The following BLTP1 variants were observed in gnomAD, a reference collection of about 807,000 sequenced individuals.
The protein encoded by BLTP1 is bridge-like lipid transfer protein family member 1.
the BLTP1 span, among the ~76,000 whole-genome samples, chr4:122,297,045 G>C: frequency 1.3e-5 from 2 of 152,108 alleles, no homozygotes; most frequent in Non-Finnish European, 2.9e-5. Context: ...AAAAGCAATT[G>C]CAACAAAAGC....
the BLTP1 span, chr4:122,325,593 A>C: frequency 8.8e-7 from 1 of 1,137,550 alleles, no homozygotes; most frequent in African/African-American, 1.6e-5. Context: ...TTGTTGAATA[A>C]TTTTTCTTTC....
chr4:122,308,100 T>C, the BLTP1 span: 5 of 1,613,486 alleles, frequency 3.1e-6, no homozygotes, highest in Non-Finnish European at 4.2e-6. Flanking sequence ...TTGGGACTCT[T>C]TTTCTCCAGC....
chr4:122,355,456 C>T, the BLTP1 span, among the ~76,000 whole-genome samples: 1 of 151,248 alleles, frequency 6.6e-6, no homozygotes, highest in Non-Finnish European at 1.5e-5. Flanking sequence ...TTTTAAAATC[C>T]CAGAAACCAA....
At chr4:122,299,748 ATATG>A in the BLTP1 span, 7 of 952,288 alleles carry the variant, frequency 7.4e-6, no homozygotes, top group Non-Finnish European at 7.5e-6. Flanking sequence ...ACACATACAT[ATATG>A]TATGTATGTA....
the BLTP1 span, among the ~76,000 whole-genome samples, chr4:122,166,191 G>C: frequency 1.2e-4 from 19 of 152,046 alleles, no homozygotes; most frequent in Non-Finnish European, 2.4e-4. Flanking sequence ...TTCTTCTAGG[G>C]TTTTTATGGT....
the BLTP1 span, among the ~76,000 whole-genome samples, chr4:122,251,941 G>T: frequency 6.6e-6 from 1 of 152,118 alleles, no homozygotes; most frequent in African/African-American, 2.4e-5. Context: ...TGAGCTCCAG[G>T]ATTGTGTTTA....
the BLTP1 span, among the ~76,000 whole-genome samples, chr4:122,296,812 T>C: frequency 6.6e-6 from 1 of 152,004 alleles, no homozygotes; most frequent in Non-Finnish European, 1.5e-5. Context: ...AAACAAACAA[T>C]GGGGAAAAAG....
chr4:122,251,464 A>T, the BLTP1 span: 1 of 930,512 alleles, frequency 1.1e-6, no homozygotes, highest in East Asian at 1.2e-4. Flanking sequence ...TTTTTATTTA[A>T]TATGTAGTTT....
chr4:122,218,421 G>A, the BLTP1 span, among the ~76,000 whole-genome samples: 5 of 152,220 alleles, frequency 3.3e-5, no homozygotes, highest in South Asian at 2.1e-4. Context: ...TTTGTGAGCC[G>A]GTAGGTTTGG....
chr4:122,225,930 T>G, the BLTP1 span: 1 of 152,238 alleles, frequency 6.6e-6, no homozygotes, highest in Admixed American at 6.5e-5. Context: ...TTCCAAGGCC[T>G]GCTAGAATCT....
the BLTP1 span, chr4:122,325,115 T>C: frequency 9.5e-7 from 1 of 1,050,038 alleles, no homozygotes; most frequent in Non-Finnish European, 1.3e-6. Context: ...TTCAATCCTT[T>C]GATTAGGTAA....
At chr4:122,268,242 C>G in the BLTP1 span, among the ~76,000 whole-genome samples, 1 of 152,064 alleles carries the variant, frequency 6.6e-6, no homozygotes, top group Admixed American at 6.6e-5. Flanking sequence ...GTTAGAAACA[C>G]TGAGAATTAG....
the BLTP1 span, chr4:122,281,989 A>C: frequency 1.0e-6 from 1 of 984,842 alleles, no homozygotes; most frequent in Non-Finnish European, 1.2e-6. Context: ...TTTGAACTCC[A>C]TAAAATTATT....
At chr4:122,317,675 A>G in the BLTP1 span, among the ~76,000 whole-genome samples, 4 of 151,494 alleles carry the variant, frequency 2.6e-5, no homozygotes, top group African/African-American at 9.7e-5. Flanking sequence ...TTACACAACT[A>G]TATGCATTTT....
the BLTP1 span, among the ~76,000 whole-genome samples, chr4:122,218,449 C>T: frequency 6.6e-6 from 1 of 152,032 alleles, no homozygotes; most frequent in Non-Finnish European, 1.5e-5. Context: ...ATATTAATCC[C>T]CCTACCAATT....
At chr4:122,198,802 AAAG>A in the BLTP1 span, among the ~76,000 whole-genome samples, 1 of 152,164 alleles carries the variant, frequency 6.6e-6, no homozygotes, top group Non-Finnish European at 1.5e-5. Context: ...AAAAAGAAAA[AAAG>A]CCCAGAGCAG....
At chr4:122,276,202 C>A in the BLTP1 span, 1 of 517,556 alleles carries the variant, frequency 1.9e-6, no homozygotes, top group Non-Finnish European at 2.9e-6. Context: ...CAGGTAAGGG[C>A]TGCTTTTTTG....
the BLTP1 span, chr4:122,221,987 A>G: frequency 5.6e-6 from 3 of 531,962 alleles, no homozygotes; most frequent in Admixed American, 1.3e-3. Context: ...TTATAGAGGT[A>G]TGCAAACTTG....
chr4:122,279,935 C>T, the BLTP1 span: 2 of 1,614,086 alleles, frequency 1.2e-6, no homozygotes, highest in African/African-American at 1.3e-5. Flanking sequence ...AAGTTCTCAC[C>T]AACTATCTAA....
Sources: gnomAD v4.1 joint callset for allele counts (sites outside exome capture counted in the v4.1 genomes callset) on GRCh38, gnomAD v4.1.1 for gene constraint, MANE v1.5 for transcripts, NCBI Gene and HGNC (gene_info 2026-07-23, HGNC 2026-07-21) for gene names.